The following EPB42 variants were observed in gnomAD, a reference collection of about 807,000 sequenced individuals.
EPB42 encodes erythrocyte membrane protein band 4.2.
A neutral mutation model predicts 76.9 loss-of-function variants in EPB42; 49 were observed. That is an observed-to-expected ratio of 0.64 (90% CI 0.51 to 0.81). The LOEUF (loss-of-function observed/expected upper bound fraction) is 0.81, where lower values mean the gene tolerates loss of function less well. Among genes scored for constraint, EPB42 ranks in the 30% least tolerant of loss-of-function variants. EPB42 has a pLI of 0.00. For missense variants in EPB42, 731 were observed against 867.6 expected (o/e 0.84, Z 1.98); for synonymous variants, 310 against 338.4 (o/e 0.92, Z 0.92).
rs2042199039 is a variant in EPB42, at chr15:43,206,065, T to C, written c.1618+265A>G. 9.2e-6 allele frequency: 4 copies of C among 433,832 alleles called. No homozygotes were observed. The South Asian group carries it at 1.5e-4, about 16-fold the overall frequency. The allele number at this position is 433,832 out of a possible 1,614,324, so 26.9% of individuals were successfully genotyped here. A position where few individuals can be genotyped will look rare whatever the true frequency, so the allele number is the denominator to read the frequency against. On this transcript the variant is annotated intron_variant, in intron 10 of 12. Transcript: ENST00000441366. The surrounding 1 kb of genome is among the most constrained non-coding windows in gnomAD (Gnocchi z 4.7). ...GAGGTGCTCTCCTGCCACTGTACTC[T>C]GTTAAACTCAGCAAACACTTCTCAC...
intron 3 of EPB42, among the ~76,000 whole-genome samples, chr15:43,212,985 A>G (rs1402235482): frequency 6.6e-6 from 1 of 152,116 alleles, no homozygotes; most frequent in Admixed American, 6.5e-5. Flanking sequence ...TCCTGAAGGC[A>G]ACAGAAGGAT....
intron 12 of EPB42, among the ~76,000 whole-genome samples, chr15:43,201,522 CCCTT>C (rs2042125333): frequency 6.6e-6 from 1 of 152,186 alleles, no homozygotes; most frequent in Non-Finnish European, 1.5e-5. Flanking sequence ...AGCCTGTCCT[CCCTT>C]CATTACTCTC....
chr15:43,200,884 G>A (rs1303600385), intron 12 of EPB42, among the ~76,000 whole-genome samples: 2 of 150,414 alleles, frequency 1.3e-5, no homozygotes, highest in South Asian at 2.1e-4. Flanking sequence ...GCGTGATCTC[G>A]GCTCACTGCA....
At chr15:43,202,262 AT>A (rs1260545716) in intron 11 of EPB42, among the ~76,000 whole-genome samples, 1 of 152,112 alleles carries the variant, frequency 6.6e-6, no homozygotes, top group Non-Finnish European at 1.5e-5. Flanking sequence ...AACGTTCTTC[AT>A]GGTGTGTCCC....
At chr15:43,202,898 A>G (rs376945916) in intron 11 of EPB42, among the ~76,000 whole-genome samples, 554 of 152,328 alleles carry the variant, frequency 3.6e-3, no homozygotes, top group African/African-American at 0.012. Context: ...GAAGGCCCCA[A>G]TTTTAGAAAC....
At chr15:43,197,621 G>T (rs1596399331) in intron 12 of EPB42, among the ~76,000 whole-genome samples, 157 bp from the exon 13 acceptor site, 1 of 152,218 alleles carries the variant, frequency 6.6e-6, no homozygotes, top group African/African-American at 2.4e-5. Context: ...TAAAGGAATA[G>T]AAGACAGGAG....
intron 1 of EPB42, 150 bp downstream of exon 1, chr15:43,220,666 A>T: frequency 4.0e-6 from 1 of 251,142 alleles, no homozygotes; most frequent in South Asian, 2.6e-5. Flanking sequence ...CCCCACAGCC[A>T]CCTCATTATC....
chr15:43,224,158 C>G (rs2142339117), upstream of EPB42, among the ~76,000 whole-genome samples: 1 of 152,312 alleles, frequency 6.6e-6, no homozygotes, highest in East Asian at 1.9e-4. Flanking sequence ...TGAAGGCTCT[C>G]TTCCTCACAT....
At chr15:43,219,558 G>A (rs1453194694) in intron 1 of EPB42, among the ~76,000 whole-genome samples, 1 of 152,162 alleles carries the variant, frequency 6.6e-6, no homozygotes, top group African/African-American at 2.4e-5. Context: ...GTGCCCAGGG[G>A]CATCCTCTGG....
chr15:43,220,668 CT>C, intron 1 of EPB42, 147 bp downstream of exon 1: 2 of 1,264,244 alleles, frequency 1.6e-6, no homozygotes, highest in Non-Finnish European at 2.2e-6. Flanking sequence ...CCACAGCCAC[CT>C]CATTATCACC....
chr15:43,207,534 A>G, intron 8 of EPB42, 93 bp from the exon 9 acceptor site: 3 of 1,589,496 alleles, frequency 1.9e-6, no homozygotes, highest in South Asian at 1.1e-5. Flanking sequence ...CCTCTAGCCT[A>G]TTTTCCCTCC....
At position 43,215,093 on chromosome 15, in the gene EPB42, A is replaced by G; in HGVS notation, c.430+2T>C. ...CCCAGGCTGGCCCAGGTCCAAACTT[A>G]CCTCTATTCCAGGGGTTAAAAAGCA... On this transcript the variant is annotated splice_donor_variant, in intron 3 of 12. Transcript: ENST00000441366. LOFTEE classifies it high-confidence loss of function. The G allele has an allele frequency of 1.2e-6, 2 of 1,613,482 alleles. No homozygotes were observed. Among genetic ancestry groups the G allele is most frequent in the Non-Finnish European group, 1.7e-6 (2 of 1,179,722 alleles).
At chr15:43,211,668 G>A in intron 3 of EPB42, 134 bp from the exon 4 acceptor site, 4 of 732,586 alleles carry the variant, frequency 5.5e-6, no homozygotes, top group Admixed American at 1.9e-5. Flanking sequence ...AATGAAGACT[G>A]AGGAGGAAGT....
At chr15:43,210,269 G>A (rs2042273100) in intron 5 of EPB42, 66 bp downstream of exon 5, 5 of 1,408,480 alleles carry the variant, frequency 3.5e-6, no homozygotes, top group Non-Finnish European at 5.0e-6. Context: ...ACGGTGGTGG[G>A]GCAGGTCTCT....
upstream of EPB42, among the ~76,000 whole-genome samples, chr15:43,223,695 C>G (rs889430588): frequency 6.6e-6 from 1 of 151,958 alleles, no homozygotes; most frequent in Non-Finnish European, 1.5e-5. Flanking sequence ...TTGGTGCAGC[C>G]TCGGCTGGGC....
intron 10 of EPB42, 104 bp from the exon 11 acceptor site, chr15:43,203,379 A>T: frequency 7.2e-7 from 1 of 1,397,116 alleles, no homozygotes; most frequent in Non-Finnish European, 1.0e-6. Flanking sequence ...CACTGAGGCC[A>T]GAAAGATGCA....
chr15:43,211,965 G>A (rs1055039338), intron 3 of EPB42, among the ~76,000 whole-genome samples: 1 of 152,160 alleles, frequency 6.6e-6, no homozygotes, highest in African/African-American at 2.4e-5. Flanking sequence ...CTATTCAGGA[G>A]GCTGAAGCGG....
intron 6 of EPB42, 106 bp downstream of exon 6, chr15:43,209,168 G>A: frequency 1.5e-6 from 2 of 1,307,388 alleles, no homozygotes; most frequent in South Asian, 2.4e-5. Context: ...ATGGGGAAAT[G>A]CGGCCGCAGG....
In EPB42 at chr15:43,211,459, C is replaced by T; in HGVS notation, c.506G>A (p.Gly169Asp). The T allele has an allele frequency of 6.2e-7, 1 of 1,613,908 alleles. No individual in the cohort carries two copies. Among genetic ancestry groups the T allele is most frequent in the Non-Finnish European group, 8.5e-7 (1 of 1,179,770 alleles). Residue 169 changes from glycine (G) to aspartate (D), a missense_variant, in exon 4 of 13, where the codon GGT becomes GAT. Gly to Asp is a moderately conservative substitution (Grantham distance 94, BLOSUM62 -1). Transcript: ENST00000441366. ...CTCTGCCTGGATGCAGTCAGCTGTACCCAGGTAGATGAGACCATTCTGGTT... is the reference window on the plus strand; with the variant it reads ...CTCTGCCTGGATGCAGTCAGCTGTATCCAGGTAGATGAGACCATTCTGGTT... The part of the protein sequence containing the change: ...LLNQNGLIYL[G>D]TADCIQAESW...
Sources: allele counts gnomAD v4.1 joint callset (sites outside exome capture counted in the v4.1 genomes callset), GRCh38; gene constraint gnomAD v4.1.1; non-coding constraint Gnocchi (gnomAD v3.1); transcripts MANE v1.5; gene names NCBI Gene and HGNC (gene_info 2026-07-23, HGNC 2026-07-21).